Variants in COL27A1 observed in about 807,000 individuals in gnomAD.
COL27A1 encodes collagen alpha-1(XXVII) chain.
A neutral mutation model predicts 251.3 loss-of-function variants in COL27A1; 106 were observed. The observed-to-expected ratio is 0.42, with a 90% CI of 0.36 to 0.50. The LOEUF is 0.50. Ranked by LOEUF, COL27A1 falls within the 20% of genes least tolerant of loss-of-function variation. COL27A1 has a pLI of 0.00. For synonymous variants in COL27A1, 1,000 were observed against 986.3 expected (o/e 1.01, Z -0.26); for missense variants, 2,325 against 2,522.8 (o/e 0.92, Z 1.68).
At chr9:114,289,660 C>T (rs76089216) in intron 45 of COL27A1, among the ~76,000 whole-genome samples, 17,296 of 152,124 alleles carry the variant, frequency 0.11, 1,186 homozygotes, top group East Asian at 0.27. Context: ...GGAGCCACTT[C>T]CTGCCTCTGC....
chr9:114,176,967 G>A (rs970925976), intron 3 of COL27A1, among the ~76,000 whole-genome samples: 1 of 152,190 alleles, frequency 6.6e-6, no homozygotes, highest in South Asian at 2.1e-4. Flanking sequence ...TTAACTCTGG[G>A]CAGGAAATCT....
rs114513921 is a variant in COL27A1 at position 114,213,210 on chromosome 9, C to T, written c.2367+2184C>T. ...TGGAAGAGGTAAGACCCATGAAAGC[C>T]TGGACATGTTATGGCCTCTTCTCCA... is the stretch of plus-strand genomic sequence containing the variant. On this transcript the variant is annotated intron_variant, in intron 12 of 60. Coordinates refer to ENST00000356083, the MANE Select transcript of COL27A1 (RefSeq NM_032888.4). Among the ~76,000 whole-genome samples the T allele has an allele frequency of 8.3e-3, 1,268 of 152,272 alleles. 6 individuals carry two copies. Among genetic ancestry groups the T allele is most frequent in the Middle Eastern group, 0.02 (6 of 294 alleles).
rs754552130 is a variant in COL27A1, at chr9:114,166,270, TCCAC to T, written c.134-1415_134-1412del. Among the ~76,000 whole-genome samples the T allele has an allele frequency of 5.0e-3, 421 of 84,540 alleles. 5 individuals are homozygous for T. The highest frequency in any genetic ancestry group is 0.015 in the Middle Eastern group (2 of 134). The allele number at this position is 84,540 out of a possible 152,430, so 55.5% of individuals were successfully genotyped here. A position where few individuals can be genotyped will look rare whatever the true frequency, so the allele number is the denominator to read the frequency against. ...ATCCATCCATCTGTCCATCCATCCATCCACCCATCCATCCATCCATCTATTCATC... is the reference window on the plus strand; with the variant it reads ...ATCCATCCATCTGTCCATCCATCCATCCATCCATCCATCCATCTATTCATC... On this transcript the variant is annotated intron_variant, in intron 2 of 60. Transcript: ENST00000356083.
rs111456655 is a variant in COL27A1 at position 114,212,601 on chromosome 9, C to T, written c.2367+1575C>T. On this transcript the variant is annotated intron_variant, in intron 12 of 60. Transcript: ENST00000356083. ...ATAAGTTAGTCCAGAAAGTCTCCCT[C>T]GCTTTATGAAGAATCTCAATGAGGT... 1.4e-3 allele frequency among the ~76,000 whole-genome samples: 209 copies of T among 152,314 alleles called. 1 individual carries two copies. The highest frequency in any genetic ancestry group is 4.6e-3 in the African/African-American group (193 of 41,562).
rs367589669 is a variant in COL27A1, at chr9:114,282,440, C to A, written c.3772-17C>A. The A allele has an allele frequency of 2.1e-5, 33 of 1,608,434 alleles. No homozygotes were observed. The highest frequency in any genetic ancestry group is 1.5e-4 in the Admixed American group (9 of 59,138). ...CCTGTTGGGCCTGGTGACAGCTTGT[C>A]TTTCCTCCTGTTGCAGGGTGCCAAG... On this transcript the variant is annotated splice_polypyrimidine_tract_variant and intron_variant, in intron 38 of 60. Transcript: ENST00000356083.
intron 36 of COL27A1, chr9:114,272,771 C>T (rs1368307586): frequency 6.6e-6 from 1 of 152,202 alleles, no homozygotes; most frequent in Non-Finnish European, 1.5e-5. Context: ...TGCCCAGGGT[C>T]ACACAACTAT....
chr9:114,306,667 T>G lies in COL27A1; in HGVS notation c.5086T>G (p.Cys1696Gly), dbSNP rs758191726. Residue 1696 changes from cysteine (C) to glycine (G), a missense_variant, in exon 58 of 61, where the codon TGT becomes GGT. Transcript: ENST00000356083. ...PARVCRDLMD[C>G]EQKMVDGTYW... ...CCGGGTCTGCAGGGACCTCATGGAC[T>G]GTGAGCAGAAGATGGTGGATGGTGA... is the stretch of plus-strand genomic sequence containing the variant. 6.2e-7 allele frequency: 1 copy of G among 1,613,786 alleles called. No homozygotes were observed. Among genetic ancestry groups the G allele is most frequent in the Non-Finnish European group, 8.5e-7 (1 of 1,179,912 alleles).
intron 54 of COL27A1, 110 bp downstream of exon 54, chr9:114,301,572 C>A (rs1176166077): frequency 1.3e-6 from 2 of 1,527,712 alleles, no homozygotes; most frequent in African/African-American, 2.8e-5. Context: ...CCCGTCTGTG[C>A]CAGAGGAACC....
chr9:114,219,749 A>C, intron 12 of COL27A1, 42 bp from the exon 13 acceptor site: 2 of 1,443,276 alleles, frequency 1.4e-6, no homozygotes, highest in Non-Finnish European at 2.0e-6. Context: ...TGAAGGTGAC[A>C]ACACTAACCT....
intron 48 of COL27A1, among the ~76,000 whole-genome samples, chr9:114,291,736 G>A (rs970919802): frequency 6.6e-5 from 10 of 152,166 alleles, no homozygotes; most frequent in Non-Finnish European, 1.2e-4. Flanking sequence ...GCGGCAGAGC[G>A]AGACTCTGTC....
At chr9:114,259,339 C>A (rs533374231) in intron 28 of COL27A1, among the ~76,000 whole-genome samples, 1 of 152,304 alleles carries the variant, frequency 6.6e-6, no homozygotes, top group East Asian at 1.9e-4. Flanking sequence ...CTTCCCTGAG[C>A]AGTCACTGGA....
rs545827667 is a variant in COL27A1, at chr9:114,310,657, C to G, written c.5545C>G (p.Gln1849Glu). 3.1e-6 allele frequency: 5 copies of G among 1,614,222 alleles called. No homozygotes were observed. The East Asian group carries it at 6.7e-5, about 22-fold the overall frequency. Reference sequence around the variant, plus strand: ...CCTCCCTCCTGCCTCATCAGGGAAGCAGTACCGCCTGGAAGTTGGACCTGC... The same window carrying G: ...CCTCCCTCCTGCCTCATCAGGGAAGGAGTACCGCCTGGAAGTTGGACCTGC... ...DNLPPASSGK[Q>E]YRLEVGPACF... Residue 1849 changes from glutamine to glutamate, a missense_variant, in exon 61 of 61, where the codon CAG becomes GAG. Around this residue, in one of 4 missense-constraint regions of COL27A1, gnomAD observed 327 missense variants for 442.8 expected, o/e 0.74. Transcript: ENST00000356083.
intron 5 of COL27A1, among the ~76,000 whole-genome samples, chr9:114,189,689 A>G (rs1416942162): frequency 6.6e-6 from 1 of 152,188 alleles, no homozygotes; most frequent in East Asian, 1.9e-4. Flanking sequence ...TTTTTATTAC[A>G]TAAGCCCTGC....
At chr9:114,222,557 CT>C (rs1831194904) in intron 14 of COL27A1, among the ~76,000 whole-genome samples, 1 of 152,164 alleles carries the variant, frequency 6.6e-6, no homozygotes, top group African/African-American at 2.4e-5. Flanking sequence ...GAGATGAGCA[CT>C]TGGAACACAA....
chr9:114,167,941 A>G lies in COL27A1; in HGVS notation c.386A>G (p.Gln129Arg), dbSNP rs1323515191. Residue 129 changes from glutamine (Q) to arginine (R), a missense_variant, in exon 3 of 61, where the codon CAG (glutamine) becomes CGG (arginine). Physicochemically the swap from Gln to Arg is conservative, Grantham distance 43. This residue lies in a region of COL27A1 where 1,183 missense variants were observed against 1,144.1 expected (regional missense o/e 1.03). Coordinates refer to ENST00000356083, the MANE Select transcript of COL27A1 (RefSeq NM_032888.4). ...AAACGCAAGCTGCAGCTGGGCCTGC[A>G]GTTCCTCCCCGGCAAGACGGTCGTC... ...SQKRKLQLGL[Q>R]FLPGKTVVHL... The G allele has an allele frequency of 1.9e-6, 3 of 1,609,994 alleles. No homozygotes were observed. Among genetic ancestry groups the G allele is most frequent in the East Asian group, 2.2e-5 (1 of 44,868 alleles).
At chr9:114,297,279 C>G (rs375406043) in intron 49 of COL27A1, among the ~76,000 whole-genome samples, 1 of 152,004 alleles carries the variant, frequency 6.6e-6, no homozygotes, top group Non-Finnish European at 1.5e-5. Flanking sequence ...TAGGAGACAG[C>G]CATCAGAGTG....
intron 3 of COL27A1, among the ~76,000 whole-genome samples, chr9:114,171,133 C>G (rs778793200): frequency 4.9e-4 from 74 of 152,298 alleles, no homozygotes; most frequent in Non-Finnish European, 8.4e-4. Flanking sequence ...AGCGAGGCCT[C>G]CTTCCAAATC....
At chr9:114,239,610 C>T (rs1032573000) in intron 19 of COL27A1, among the ~76,000 whole-genome samples, 3 of 152,124 alleles carry the variant, frequency 2.0e-5, no homozygotes, top group Non-Finnish European at 4.4e-5. Context: ...GAGGTGATTC[C>T]GCTCCATGTG....
In COL27A1 at chr9:114,290,684, A is replaced by G; in HGVS notation, c.4369-126A>G. 1.4e-6 allele frequency: 1 copy of G among 690,680 alleles called. No individual in the cohort carries two copies. 42.8% of individuals were successfully genotyped at this position (690,680 alleles called of 1,614,324 possible). On this transcript the variant is annotated intron_variant, in intron 47 of 60. Coordinates refer to ENST00000356083, the MANE Select transcript of COL27A1 (RefSeq NM_032888.4). The surrounding 1 kb of genome is among the most constrained non-coding windows in gnomAD (Gnocchi z 4.6). The stretch of plus-strand genomic sequence containing the variant: ...AGCCACATCACACACAGGCCGTCTG[A>G]CCTCCATCCTGGAGTGTGACCCCTT...
Sources: allele counts gnomAD v4.1 joint callset (sites outside exome capture counted in the v4.1 genomes callset), GRCh38; gene constraint gnomAD v4.1.1; regional missense constraint gnomAD v4.1.1; non-coding constraint Gnocchi (gnomAD v3.1); transcripts MANE v1.5; gene names NCBI Gene and HGNC (gene_info 2026-07-23, HGNC 2026-07-21).